The following CCDC125 variants were observed in gnomAD, a reference collection of about 807,000 sequenced individuals.
The protein encoded by CCDC125 is coiled-coil domain containing 125.
In CCDC125, 43 loss-of-function variants were observed where a neutral mutation model predicts 57.4. That is an observed-to-expected ratio of 0.75 (90% CI 0.59 to 0.97). The LOEUF is 0.97. Among genes scored for constraint, CCDC125 ranks in the 50% least tolerant of loss-of-function variants. The probability of loss-of-function intolerance (pLI) is 0.00; values close to 1 mark genes in which losing one functional copy is unlikely to be tolerated. For synonymous variants in CCDC125, 187 were observed against 195.2 expected (o/e 0.96, Z 0.35); for missense variants, 563 against 595.7 (o/e 0.95, Z 0.57).
chr5:69,283,643 G>A lies in CCDC125; in HGVS notation c.1231-609C>T, dbSNP rs1008516554. Among the ~76,000 whole-genome samples, 18 of 151,610 alleles carry A rather than the reference G, an allele frequency of 1.2e-4. No homozygotes were observed. The East Asian group carries it at 3.5e-3, about 30-fold the overall frequency. ...AGTGATTCTTGGGCCTCACCCTCCCGAGTAGAGTAGCTGGGACTATAGGCG... is the reference window on the plus strand; with the variant it reads ...AGTGATTCTTGGGCCTCACCCTCCCAAGTAGAGTAGCTGGGACTATAGGCG... On this transcript the variant is annotated intron_variant, in intron 11 of 11. Transcript: ENST00000396496.
downstream of CCDC125, among the ~76,000 whole-genome samples, chr5:69,279,817 G>A (rs1042894881): frequency 6.0e-5 from 9 of 150,366 alleles, no homozygotes; most frequent in African/African-American, 7.3e-5. Flanking sequence ...GTATTATTCC[G>A]TTCTCAAACT....
At chr5:69,289,049 T>G (rs1378305583) in intron 10 of CCDC125, among the ~76,000 whole-genome samples, 2 of 152,202 alleles carry the variant, frequency 1.3e-5, no homozygotes, top group African/African-American at 2.4e-5. Flanking sequence ...AAAATGCAGC[T>G]TTGTCTACAC....
intron 8 of CCDC125, among the ~76,000 whole-genome samples, chr5:69,295,803 AACTTCCCTAAACATTGTCCAT>A (rs992917499): frequency 1.2e-4 from 18 of 152,316 alleles, no homozygotes; most frequent in East Asian, 1.2e-3. Flanking sequence ...AATTCTGTTA[AACTTCCCTAAACATTGTCCAT>A]ACTTCCCTAA....
downstream of CCDC125, chr5:69,276,787 T>C: frequency 1.0e-6 from 1 of 993,554 alleles, no homozygotes; most frequent in Non-Finnish European, 1.5e-6. Flanking sequence ...GAAATGTAGC[T>C]TGCTAGCTAT....
At chr5:69,294,964 C>T in intron 8 of CCDC125, 64 bp from the exon 9 acceptor site, 1 of 1,406,270 alleles carries the variant, frequency 7.1e-7, no homozygotes, top group Non-Finnish European at 1.0e-6. Context: ...CACACAAACA[C>T]AGGGGCATTT....
downstream of CCDC125, among the ~76,000 whole-genome samples, chr5:69,275,812 A>AAAAAAT (rs1025580944): frequency 2.0e-5 from 3 of 152,136 alleles, no homozygotes; most frequent in Non-Finnish European, 4.4e-5. Context: ...CATTCTCCAC[A>AAAAAAT]AAAAATAAGT....
In CCDC125 at chr5:69,294,894, C is replaced by T; in HGVS notation, c.823G>A (p.Val275Ile). 3 of 1,612,762 alleles carry T rather than the reference C, an allele frequency of 1.9e-6. No homozygotes were observed. The highest frequency in any genetic ancestry group is 2.7e-5 in the African/African-American group (2 of 74,960). The change falls in exon 9 of 12, where the codon GTC becomes ATC. Residue 275 changes from valine (V) to isoleucine (I), a missense_variant. Val to Ile is a conservative substitution (Grantham distance 29). Transcript: ENST00000396496. ...CCATGACAAAGGCAGGCTCCGAGGA[C>T]CGCAAGCTTTAAATTGAAAAGCATT... ...FAEASGLELA[V>I]LGACLCHGPG...
intron 10 of CCDC125, among the ~76,000 whole-genome samples, chr5:69,286,398 AT>A (rs1446794390): frequency 1.3e-5 from 2 of 150,668 alleles, no homozygotes; most frequent in Admixed American, 1.3e-4. Context: ...CGTCCGGCTA[AT>A]TTTTTTGTAT....
chr5:69,292,386 A>T, intron 9 of CCDC125, 24 bp from the exon 10 acceptor site: 1 of 1,594,246 alleles, frequency 6.3e-7, no homozygotes, highest in Non-Finnish European at 8.6e-7. Flanking sequence ...ACAGTTTGGG[A>T]GGTGTCAGAG....
Position 69,282,979 on chromosome 5 carries a change from G to A in CCDC125, c.1286C>T (p.Ala429Val), listed in dbSNP as rs143293466. The A allele has an allele frequency of 3.1e-3, 4,947 of 1,611,892 alleles. 17 individuals carry two copies. The highest frequency in any genetic ancestry group is 3.4e-3 in the Non-Finnish European group (4,016 of 1,179,374). The change falls in exon 12 of 12, where the codon GCT (alanine) becomes GTT (valine). Residue 429 changes from alanine (A) to valine (V), a missense_variant. Physicochemically the swap from Ala to Val is moderately conservative, Grantham distance 64. Coordinates refer to ENST00000396496, the MANE Select transcript of CCDC125 (RefSeq NM_176816.5). ...AHQRKVSYML[A>V]RALEDKDTAS... ...AGTGTCTTTGTCTTCCAATGCCCGA[G>A]CAAGCATGTAGCTAACTTTTCTTTG...
chr5:69,275,679 TA>T (rs1201893250), downstream of CCDC125, among the ~76,000 whole-genome samples: 1 of 152,204 alleles, frequency 6.6e-6, no homozygotes, highest in Non-Finnish European at 1.5e-5. Flanking sequence ...AAATATTTTA[TA>T]AAATTACCTT....
intron 3 of CCDC125, 114 bp from the exon 4 acceptor site, chr5:69,311,318 A>T: frequency 1.7e-6 from 1 of 590,756 alleles, no homozygotes; most frequent in East Asian, 3.2e-5. Context: ...ATGTGGCTGA[A>T]AATTCTTCTA....
At chr5:69,291,628 T>A (rs1754478395) in intron 10 of CCDC125, among the ~76,000 whole-genome samples, 1 of 152,232 alleles carries the variant, frequency 6.6e-6, no homozygotes, top group Admixed American at 6.5e-5. Flanking sequence ...GTGCTAGGAT[T>A]ACAGGCGTGA....
At position 69,322,783 on chromosome 5, in the gene CCDC125, A is replaced by C. The variant is rs1359058321; in HGVS notation, c.-40-2203T>G. Among the ~76,000 whole-genome samples the C allele has an allele frequency of 3.3e-5, 5 of 151,372 alleles. No homozygotes were observed. In the East Asian group the frequency reaches 6.0e-4, roughly 18 times the overall value. ...TCACCATGTTGGTCAGGCTGGTCTC[A>C]AACTCCTGACCTCATGATACACCCG... On this transcript the variant is annotated intron_variant, in intron 1 of 11. Coordinates refer to ENST00000396496, the MANE Select transcript of CCDC125 (RefSeq NM_176816.5).
At chr5:69,286,187 ACTATATAT>A (rs1561402112) in intron 10 of CCDC125, among the ~76,000 whole-genome samples, 1 of 53,956 alleles carries the variant, frequency 1.9e-5, no homozygotes, top group Non-Finnish European at 3.6e-5. Flanking sequence ...CAAATGGTAA[ACTATATAT>A]ATATATATAT....
At chr5:69,317,973 ATTTTTTTTTT>A (rs34680998) in intron 2 of CCDC125, among the ~76,000 whole-genome samples, 6 of 82,354 alleles carry the variant, frequency 7.3e-5, no homozygotes, top group South Asian at 4.9e-4. Context: ...TGTCTCTAGA[ATTTTTTTTTT>A]TTTTTTTTTT....
intron 2 of CCDC125, 21 bp from the exon 3 acceptor site, chr5:69,314,067 A>T (rs777486268): frequency 1.3e-6 from 2 of 1,549,124 alleles, no homozygotes; most frequent in South Asian, 2.2e-5. Flanking sequence ...AGGAGAAAAG[A>T]ATCTATTAGG....
chr5:69,305,857 C>G (rs1757248768), intron 6 of CCDC125, among the ~76,000 whole-genome samples: 1 of 152,142 alleles, frequency 6.6e-6, no homozygotes, highest in African/African-American at 2.4e-5. Flanking sequence ...ACTCTTTTGT[C>G]TTTATTTTTA....
chr5:69,319,624 G>A (rs1055969716), intron 2 of CCDC125, among the ~76,000 whole-genome samples: 1 of 151,638 alleles, frequency 6.6e-6, no homozygotes, highest in African/African-American at 2.4e-5. Context: ...TGGGACTACA[G>A]GAACCTGCTA....
Sources: gnomAD v4.1 joint callset for allele counts (sites outside exome capture counted in the v4.1 genomes callset) on GRCh38, gnomAD v4.1.1 for gene constraint, MANE v1.5 for transcripts, NCBI Gene and HGNC (gene_info 2026-07-23, HGNC 2026-07-21) for gene names.